RGS8: variants seen among roughly 807,000 people sequenced by gnomAD.
RGS8 encodes the protein regulator of G protein signaling 8, also known as regulator of G-protein signaling 8.
A neutral mutation model predicts 21.7 loss-of-function variants in RGS8; 8 were observed. The observed-to-expected ratio is 0.37, with a 90% confidence interval of 0.22 to 0.66. RGS8 has a LOEUF of 0.66. Among genes scored for constraint, RGS8 ranks in the 30% least tolerant of loss-of-function variants. The probability of loss-of-function intolerance (pLI) is 0.59; values close to 1 mark genes in which losing one functional copy is unlikely to be tolerated. For missense variants in RGS8, 157 were observed against 217.9 expected, an observed-to-expected ratio of 0.72 and a Z score of 1.76; for synonymous variants, 80 against 83.6, an observed-to-expected ratio of 0.96 and a Z score of 0.24.
At chr1:182,681,335 G>C (rs1259416489) in intron 1 of RGS8, among the ~76,000 whole-genome samples, 1 of 152,174 alleles carries the variant, frequency 6.6e-6, no homozygotes. Flanking sequence ...CCCCTTCTCA[G>C]ATAGTAACAA....
At chr1:182,742,520 C>T in the RGS8 span, among the ~76,000 whole-genome samples, 11 of 152,336 alleles carry the variant, frequency 7.2e-5, no homozygotes, top group East Asian at 2.1e-3. Flanking sequence ...GCGGATCACT[C>T]GCGGTTAGGA....
chr1:182,716,395 G>A, the RGS8 span, among the ~76,000 whole-genome samples: 7 of 151,780 alleles, frequency 4.6e-5, no homozygotes, highest in Non-Finnish European at 8.8e-5. Context: ...CAAAGTACTA[G>A]GATTACAGGT....
chr1:182,742,083 C>T, the RGS8 span, among the ~76,000 whole-genome samples: 6 of 148,758 alleles, frequency 4.0e-5, no homozygotes, highest in African/African-American at 1.5e-4. Context: ...GGCAGAGGTG[C>T]TCCCCACATC....
rs1357277986 is a variant in RGS8, at chr1:182,669,484, A to AG, written c.26+139dup. ...CAGACAAGAACCGTGCAGTTCACACAGGAGGCCTATGGGGACAGATGAAAG... is the reference window on the plus strand; with the variant it reads ...CAGACAAGAACCGTGCAGTTCACACAGGGAGGCCTATGGGGACAGATGAAAG... On this transcript the variant is annotated intron_variant, in intron 3 of 6. Transcript: ENST00000483095. 10 of 1,241,780 alleles carry AG rather than the reference A, an allele frequency of 8.1e-6. No homozygotes were observed. In the Admixed American group the frequency reaches 1.8e-4, roughly 23 times the overall value. 76.9% of individuals were successfully genotyped at this position (1,241,780 alleles called of 1,614,324 possible).
chr1:182,699,871 C>T, the RGS8 span, among the ~76,000 whole-genome samples: 1 of 152,126 alleles, frequency 6.6e-6, no homozygotes, highest in Non-Finnish European at 1.5e-5. Context: ...CCAGCAGTGC[C>T]AGCTCGGTTC....
chr1:182,701,182 C>A, the RGS8 span, among the ~76,000 whole-genome samples: 1 of 152,192 alleles, frequency 6.6e-6, no homozygotes, highest in Non-Finnish European at 1.5e-5. Flanking sequence ...AGTTGATGGA[C>A]AACAGGCAAC....
chr1:182,664,140 CT>C (rs1488115580), intron 5 of RGS8, among the ~76,000 whole-genome samples: 1 of 152,186 alleles, frequency 6.6e-6, no homozygotes, highest in East Asian at 1.9e-4. Context: ...CTGCAGCAAT[CT>C]AAATATATCC....
chr1:182,685,745 G>A (rs779946127), upstream of RGS8, among the ~76,000 whole-genome samples: 4 of 152,084 alleles, frequency 2.6e-5, no homozygotes, highest in East Asian at 1.9e-4. Flanking sequence ...ACTGACCCAC[G>A]AGATGACCCC....
chr1:182,733,344 G>A, the RGS8 span, among the ~76,000 whole-genome samples: 1 of 152,212 alleles, frequency 6.6e-6, no homozygotes, highest in African/African-American at 2.4e-5. Flanking sequence ...ATTCATGAAG[G>A]ATTGTAGAGA....
chr1:182,654,156 A>C (rs896652097), intron 5 of RGS8, among the ~76,000 whole-genome samples: 1 of 152,234 alleles, frequency 6.6e-6, no homozygotes, highest in African/African-American at 2.4e-5. Context: ...GCCCAATTAC[A>C]CAACCAGCAA....
At chr1:182,696,676 G>A in the RGS8 span, among the ~76,000 whole-genome samples, 6 of 152,186 alleles carry the variant, frequency 3.9e-5, no homozygotes, top group Non-Finnish European at 7.3e-5. Flanking sequence ...CCTTGGATCT[G>A]GTGCCCTGAT....
chr1:182,654,650 G>A (rs1320779933), intron 5 of RGS8, among the ~76,000 whole-genome samples: 2 of 152,150 alleles, frequency 1.3e-5, no homozygotes, highest in African/African-American at 4.8e-5. Context: ...CTATAGTGGG[G>A]AACTCTAAGA....
chr1:182,696,662 T>G, the RGS8 span, among the ~76,000 whole-genome samples: 6 of 152,268 alleles, frequency 3.9e-5, no homozygotes, highest in Non-Finnish European at 7.3e-5. Context: ...TGTTTAACTT[T>G]AAACCTTGGA....
chr1:182,704,273 G>A, the RGS8 span, among the ~76,000 whole-genome samples: 1 of 152,306 alleles, frequency 6.6e-6, no homozygotes, highest in Non-Finnish European at 1.5e-5. Context: ...TCAGGACAAT[G>A]GGTTGGAGAG....
At chr1:182,693,636 A>G in the RGS8 span, among the ~76,000 whole-genome samples, 4 of 152,378 alleles carry the variant, frequency 2.6e-5, no homozygotes, top group East Asian at 7.7e-4. Context: ...ACCCAAATGA[A>G]TAGAAATCAT....
chr1:182,704,045 G>T, the RGS8 span, among the ~76,000 whole-genome samples: 18 of 152,216 alleles, frequency 1.2e-4, no homozygotes, highest in African/African-American at 4.3e-4. Context: ...ATGCAATAAA[G>T]ATTTCACTAT....
At chr1:182,740,699 C>A in the RGS8 span, among the ~76,000 whole-genome samples, 2 of 149,444 alleles carry the variant, frequency 1.3e-5, no homozygotes, top group Non-Finnish European at 3.0e-5. Context: ...GAGGACCCTG[C>A]GGCCTTCCGC....
chr1:182,657,532 C>T (rs1663347240), intron 5 of RGS8, among the ~76,000 whole-genome samples: 1 of 152,076 alleles, frequency 6.6e-6, no homozygotes, highest in Admixed American at 6.5e-5. Flanking sequence ...GCCCAGGCAA[C>T]TGAAGTCCCC....
chr1:182,699,702 GGA>G, the RGS8 span, among the ~76,000 whole-genome samples: 2 of 152,138 alleles, frequency 1.3e-5, no homozygotes, highest in African/African-American at 4.8e-5. Context: ...GATTGCAACG[GGA>G]TTACCGGGGA....
Sources: gnomAD v4.1 joint callset for allele counts (sites outside exome capture counted in the v4.1 genomes callset) on GRCh38, gnomAD v4.1.1 for gene constraint, MANE v1.5 for transcripts, NCBI Gene and HGNC (gene_info 2026-07-23, HGNC 2026-07-21) for gene names.